The following KATNAL1 variants were observed in gnomAD, a reference collection of about 807,000 sequenced individuals.
The protein encoded by KATNAL1 is katanin catalytic subunit A1 like 1.
A neutral mutation model predicts 55.2 loss-of-function variants in KATNAL1; 32 were observed. The observed-to-expected ratio is 0.58, with a 90% confidence interval of 0.44 to 0.78. The LOEUF (loss-of-function observed/expected upper bound fraction) is 0.78, where lower values mean the gene tolerates loss of function less well. Ranked by LOEUF, KATNAL1 falls within the 30% of genes least tolerant of loss-of-function variation. KATNAL1 has a pLI of 0.00. For synonymous variants in KATNAL1, 193 were observed against 193.6 expected (o/e 1.00, Z 0.02); for missense variants, 466 against 600.9 (o/e 0.78, Z 2.35).
At chr13:30,258,795 C>A (rs1000436614) in intron 3 of KATNAL1, among the ~76,000 whole-genome samples, 4 of 152,084 alleles carry the variant, frequency 2.6e-5, no homozygotes, top group African/African-American at 9.7e-5. Context: ...TCAATTACCC[C>A]AGAAGCATTT....
rs776627949 is a variant in KATNAL1, at chr13:30,255,426, T to A, written c.492+21A>T. 2.7e-6 allele frequency: 4 copies of A among 1,468,586 alleles called. No individual in the cohort carries two copies. The East Asian group carries it at 7.9e-5, about 29-fold the overall frequency. The allele number at this position is 1,468,586 out of a possible 1,614,324, so 91.0% of individuals were successfully genotyped here. ...AGTCCTGGGCTTCAAGTGAGTGAAT[T>A]ACAGAAAGACAGCATCTTGCCTTGT... On this transcript the variant is annotated intron_variant, in intron 4 of 10. Transcript: ENST00000380615.
At chr13:30,282,582 G>A (rs1032320673) in intron 2 of KATNAL1, among the ~76,000 whole-genome samples, 1 of 151,638 alleles carries the variant, frequency 6.6e-6, no homozygotes, top group Non-Finnish European at 1.5e-5. Flanking sequence ...AGGCTGCAGT[G>A]AGCTGTGATG....
At chr13:30,246,529 G>A (rs56262773) in intron 4 of KATNAL1, among the ~76,000 whole-genome samples, 16,388 of 152,052 alleles carry the variant, frequency 0.11, 1,133 homozygotes, top group Non-Finnish European at 0.16. Context: ...AACAAAAGCC[G>A]AAATTGACAA....
chr13:30,220,343 C>T (rs1204753102), intron 9 of KATNAL1, among the ~76,000 whole-genome samples: 1 of 152,062 alleles, frequency 6.6e-6, no homozygotes, highest in South Asian at 2.1e-4. Flanking sequence ...TGCCTGTAAT[C>T]CTGGCTACTT....
At position 30,224,157 on chromosome 13, in the gene KATNAL1, T is replaced by C. The variant is rs915301628; in HGVS notation, c.1147+3255A>G. 3.9e-5 allele frequency among the ~76,000 whole-genome samples: 6 copies of C among 152,048 alleles called. No homozygotes were observed. In the East Asian group the frequency reaches 1.2e-3, roughly 29 times the overall value. On this transcript the variant is annotated intron_variant, in intron 9 of 10. Transcript: ENST00000380615. ...AAATTAGAAAACAGTTCTAACTTAA[T>C]AGTAGAAAAAATATGATATAGCAAA...
chr13:30,265,497 T>C (rs968860207), intron 3 of KATNAL1, among the ~76,000 whole-genome samples: 7 of 152,070 alleles, frequency 4.6e-5, no homozygotes, highest in African/African-American at 1.7e-4. Context: ...AACGTTATGA[T>C]ACAAGTTGAT....
intron 9 of KATNAL1, among the ~76,000 whole-genome samples, chr13:30,227,098 T>TAC (rs769417181): frequency 0.022 from 1,553 of 69,038 alleles, 23 homozygotes; most frequent in African/African-American, 0.079. Flanking sequence ...TAAATATGTG[T>TAC]ACACACACAC....
In KATNAL1 at chr13:30,206,766, GT is replaced by G. The variant is rs965609802; in HGVS notation, c.*1773del. On this transcript the variant is annotated 3_prime_UTR_variant, in exon 11 of 11. Coordinates refer to ENST00000380615, the MANE Select transcript of KATNAL1 (RefSeq NM_032116.5). Reference sequence around the variant, plus strand: ...TCCTAAAACTTCAGGGAAAAAAAAAGTGCATTTCTGACTGGCAATAGTTTGC... The same window carrying G: ...TCCTAAAACTTCAGGGAAAAAAAAAGGCATTTCTGACTGGCAATAGTTTGC... 3 of 151,984 alleles carry G rather than the reference GT, an allele frequency of 2.0e-5. No homozygotes were observed. The highest frequency in any genetic ancestry group is 7.2e-5 in the African/African-American group (3 of 41,386). The allele number at this position is 151,984 out of a possible 1,614,324, so 9.4% of individuals were successfully genotyped here. A position where few individuals can be genotyped will look rare whatever the true frequency, so the allele number is the denominator to read the frequency against.
intron 1 of KATNAL1, among the ~76,000 whole-genome samples, chr13:30,294,522 A>G (rs1303908937): frequency 1.3e-5 from 2 of 152,168 alleles, no homozygotes; most frequent in East Asian, 3.9e-4. Context: ...GCAAGTAGAG[A>G]CTGGTTTATG....
chr13:30,247,865 G>A (rs1054591567), intron 4 of KATNAL1, among the ~76,000 whole-genome samples: 4 of 152,192 alleles, frequency 2.6e-5, no homozygotes, highest in Admixed American at 2.0e-4. Flanking sequence ...GTTCTCTCAT[G>A]TTTTATTTTA....
At chr13:30,258,340 A>C (rs914156508) in intron 3 of KATNAL1, among the ~76,000 whole-genome samples, 1 of 152,210 alleles carries the variant, frequency 6.6e-6, no homozygotes. Flanking sequence ...TATTATTTGT[A>C]AATGTTATTG....
intron 6 of KATNAL1, among the ~76,000 whole-genome samples, chr13:30,232,549 A>G (rs528685082): frequency 1.3e-5 from 2 of 152,302 alleles, no homozygotes; most frequent in South Asian, 4.1e-4. Flanking sequence ...AAAACCATGA[A>G]AACGACCAAT....
chr13:30,304,906 T>C (rs944895736), intron 1 of KATNAL1, among the ~76,000 whole-genome samples: 1 of 152,232 alleles, frequency 6.6e-6, no homozygotes, highest in Non-Finnish European at 1.5e-5. Flanking sequence ...GAGTTCCAAA[T>C]CTAACTCCCA....
At chr13:30,225,305 A>T (rs1875344341) in intron 9 of KATNAL1, among the ~76,000 whole-genome samples, 1 of 152,194 alleles carries the variant, frequency 6.6e-6, no homozygotes, top group South Asian at 2.1e-4. Flanking sequence ...CCAGACATGA[A>T]CTATATAATC....
intron 9 of KATNAL1, among the ~76,000 whole-genome samples, chr13:30,217,794 T>C (rs888223592): frequency 6.6e-6 from 1 of 151,984 alleles, no homozygotes; most frequent in African/African-American, 2.4e-5. Flanking sequence ...GTTAGGTGAG[T>C]TGATGCATGC....
chr13:30,303,418 T>G (rs1291376779), intron 1 of KATNAL1, among the ~76,000 whole-genome samples: 2 of 152,144 alleles, frequency 1.3e-5, no homozygotes, highest in African/African-American at 4.8e-5. Flanking sequence ...AAAATAATGT[T>G]GAGCCGGGTG....
intron 3 of KATNAL1, among the ~76,000 whole-genome samples, chr13:30,263,238 T>C (rs1396495819): frequency 6.6e-6 from 1 of 152,156 alleles, no homozygotes; most frequent in Non-Finnish European, 1.5e-5. Context: ...TAAGAGCTAT[T>C]CATGACAAAC....
intron 1 of KATNAL1, chr13:30,296,631 A>T: frequency 1.4e-6 from 1 of 696,218 alleles, no homozygotes; most frequent in Non-Finnish European, 2.7e-6. Flanking sequence ...CATCCAGTAC[A>T]CGGACGAGCA....
chr13:30,211,264 A>T (rs938175338), intron 9 of KATNAL1, among the ~76,000 whole-genome samples: 4 of 152,210 alleles, frequency 2.6e-5, no homozygotes, highest in African/African-American at 9.6e-5. Flanking sequence ...TTTCACTGAG[A>T]TTCACCAATT....
Sources: gnomAD v4.1 joint callset for allele counts (sites outside exome capture counted in the v4.1 genomes callset) on GRCh38, gnomAD v4.1.1 for gene constraint, MANE v1.5 for transcripts, NCBI Gene and HGNC (gene_info 2026-07-23, HGNC 2026-07-21) for gene names.